DIP2C: variants seen among roughly 807,000 people sequenced by gnomAD.
The protein encoded by DIP2C is DIP2 acetate--CoA ligase C (putative).
DIP2C carries 33 observed loss-of-function variants against 192.4 expected under a neutral mutation model. That is an observed-to-expected ratio of 0.17 (90% CI 0.13 to 0.23). The LOEUF is 0.23. Ranked by LOEUF, DIP2C falls within the 10% of genes least tolerant of loss-of-function variation. The pLI, the probability that DIP2C is intolerant of heterozygous loss-of-function variation, is 1.00. For missense variants in DIP2C, 1,537 were observed against 2,110.1 expected (o/e 0.73, Z 5.32); for synonymous variants, 979 against 864.1 (o/e 1.13, Z -2.33).
At chr10:451,598 A>C (rs1223165017) in intron 3 of DIP2C, among the ~76,000 whole-genome samples, 1 of 152,252 alleles carries the variant, frequency 6.6e-6, no homozygotes, top group Non-Finnish European at 1.5e-5. Context: ...AATTTTACTT[A>C]AAAAGAATTG....
In DIP2C at chr10:345,130, A is replaced by T; in HGVS notation, c.3232-20T>A. 1 of 1,602,714 alleles carries T rather than the reference A, an allele frequency of 6.2e-7. No homozygotes were observed. Among genetic ancestry groups the T allele is most frequent in the Admixed American group, 1.7e-5 (1 of 59,288 alleles). On this transcript the variant is annotated intron_variant, in intron 26 of 36. Coordinates refer to ENST00000280886, the MANE Select transcript of DIP2C (RefSeq NM_014974.3). ...ACTCACCTGGCATCAGAGAGCGAGAATGGAGCCATGAACGTGGACCCAGAT... is the reference window on the plus strand; with the variant it reads ...ACTCACCTGGCATCAGAGAGCGAGATTGGAGCCATGAACGTGGACCCAGAT...
Position 689,566 on chromosome 10 carries a change from T to G in DIP2C, c.13A>C (p.Ser5Arg), listed in dbSNP as rs1188116910. The change falls in exon 1 of 37, where the codon AGC becomes CGC. Residue 5 changes from serine to arginine, a missense_variant. This residue lies in a region of DIP2C where 473 missense variants were observed against 539.6 expected (regional missense o/e 0.88). Coordinates refer to ENST00000280886, the MANE Select transcript of DIP2C (RefSeq NM_014974.3). This position sits in a 1 kb window ranked among gnomAD's most constrained non-coding sequence, Gnocchi z 6.1. ...AGGGGCAGCGCCATGCCCTCCAGGC[T>G]GCGGTCCGCCATGCTCCGCGGGCGC... Reference protein sequence around the residue: MADRSLEGMALPLEV... With the variant: MADRRLEGMALPLEV... 7 of 1,240,586 alleles carry G rather than the reference T, an allele frequency of 5.6e-6. No homozygotes were observed. Among genetic ancestry groups the G allele is most frequent in the Admixed American group, 6.3e-5 (2 of 31,650 alleles). 76.8% of individuals were successfully genotyped at this position (1,240,586 alleles called of 1,614,324 possible).
intron 1 of DIP2C, among the ~76,000 whole-genome samples, chr10:575,620 A>C (rs1041731317): frequency 3.3e-5 from 5 of 152,188 alleles, no homozygotes; most frequent in African/African-American, 1.2e-4. Flanking sequence ...CCAGAAAAGA[A>C]CACAAGCCTT....
At chr10:499,481 G>A (rs1410796586) in intron 1 of DIP2C, among the ~76,000 whole-genome samples, 4 of 152,224 alleles carry the variant, frequency 2.6e-5, no homozygotes, top group Admixed American at 6.5e-5. Context: ...GGCAGAAGGC[G>A]AAGGGGAAGC....
intron 36 of DIP2C, among the ~76,000 whole-genome samples, chr10:278,879 G>T (rs918093433): frequency 2.6e-5 from 4 of 152,156 alleles, no homozygotes; most frequent in South Asian, 2.1e-4. Flanking sequence ...AGGCCAGAAG[G>T]TTCCCGGGCA....
At chr10:309,560 C>CT (rs766027771) in intron 32 of DIP2C, among the ~76,000 whole-genome samples, 9,929 of 137,100 alleles carry the variant, frequency 0.072, 924 homozygotes, top group African/African-American at 0.22. Flanking sequence ...AACAGAGTTT[C>CT]TTTTTTTTTT....
chr10:455,428 C>T (rs1387500396), intron 3 of DIP2C, among the ~76,000 whole-genome samples: 1 of 103,338 alleles, frequency 9.7e-6, no homozygotes, highest in African/African-American at 3.7e-5. Context: ...TGAGTCCCTG[C>T]CTGAGGGGAG....
intron 30 of DIP2C, among the ~76,000 whole-genome samples, chr10:327,888 GAA>G (rs998660981): frequency 2.1e-4 from 32 of 152,158 alleles, no homozygotes; most frequent in African/African-American, 7.7e-4. Context: ...GAGCACAACA[GAA>G]AAAGTCATAC....
chr10:475,601 G>A (rs1453697273), intron 2 of DIP2C, among the ~76,000 whole-genome samples: 4 of 152,040 alleles, frequency 2.6e-5, no homozygotes, highest in African/African-American at 7.2e-5. Flanking sequence ...TACCATCCTC[G>A]TGAATATCTC....
intron 1 of DIP2C, among the ~76,000 whole-genome samples, chr10:566,508 G>T (rs1312617655): frequency 6.6e-6 from 1 of 152,204 alleles, no homozygotes; most frequent in Non-Finnish European, 1.5e-5. Context: ...TTACAGTTCA[G>T]TTAGACTTTG....
chr10:334,318 A>AAG (rs1564570444), intron 29 of DIP2C, among the ~76,000 whole-genome samples: 1 of 151,258 alleles, frequency 6.6e-6, no homozygotes, highest in East Asian at 1.9e-4. Flanking sequence ...AAAAAAAAAA[A>AAG]AAAAAAAGAA....
At chr10:624,124 C>A (rs1854048964) in intron 1 of DIP2C, among the ~76,000 whole-genome samples, 1 of 152,244 alleles carries the variant, frequency 6.6e-6, no homozygotes, top group South Asian at 2.1e-4. Flanking sequence ...GGCGCAGCCC[C>A]TGACCAGAGA....
chr10:364,255 G>T, intron 20 of DIP2C, 119 bp downstream of exon 20: 1 of 1,208,180 alleles, frequency 8.3e-7, no homozygotes, highest in Non-Finnish European at 1.2e-6. Flanking sequence ...CAATAACATG[G>T]AAGAGGAAAC....
intron 32 of DIP2C, among the ~76,000 whole-genome samples, chr10:303,199 C>T (rs1282168404): frequency 2.0e-5 from 3 of 152,052 alleles, no homozygotes; most frequent in African/African-American, 7.3e-5. Context: ...AAGACATCAT[C>T]CACGTGCGGC....
chr10:336,778 G>A (rs1957788228), intron 29 of DIP2C, among the ~76,000 whole-genome samples: 1 of 152,218 alleles, frequency 6.6e-6, no homozygotes, highest in African/African-American at 2.4e-5. Flanking sequence ...GACAAGAGGT[G>A]GAGGGGAAAA....
At chr10:612,249 A>G (rs915592509) in intron 1 of DIP2C, among the ~76,000 whole-genome samples, 12 of 151,834 alleles carry the variant, frequency 7.9e-5, no homozygotes, top group African/African-American at 2.9e-4. Flanking sequence ...CCAAGGTCAC[A>G]CCACTGCGCT....
chr10:610,178 A>G (rs1192726500), intron 1 of DIP2C, among the ~76,000 whole-genome samples: 3 of 152,202 alleles, frequency 2.0e-5, no homozygotes, highest in African/African-American at 7.2e-5. Context: ...AACAGCATGG[A>G]GCTGGAGGAC....
intron 1 of DIP2C, among the ~76,000 whole-genome samples, chr10:499,890 C>CA (rs745532503): frequency 5.9e-5 from 9 of 152,324 alleles, no homozygotes; most frequent in East Asian, 3.9e-4. Flanking sequence ...ATGGATATGC[C>CA]AGCCCCTCGA....
intron 28 of DIP2C, 104 bp downstream of exon 28, chr10:344,705 C>T: frequency 1.1e-6 from 1 of 912,130 alleles, no homozygotes; most frequent in Admixed American, 2.1e-5. Context: ...TTCCACATCT[C>T]AGTCTGACTA....
Sources: allele counts gnomAD v4.1 joint callset (sites outside exome capture counted in the v4.1 genomes callset), GRCh38; gene constraint gnomAD v4.1.1; regional missense constraint gnomAD v4.1.1; non-coding constraint Gnocchi (gnomAD v3.1); transcripts MANE v1.5; gene names NCBI Gene and HGNC (gene_info 2026-07-23, HGNC 2026-07-21).